Variants in MTERF4 observed in about 807,000 individuals in gnomAD.
The protein encoded by MTERF4 is mitochondrial transcription termination factor 4, also known as transcription termination factor 4, mitochondrial.
In MTERF4, 17 loss-of-function variants were observed where a neutral mutation model predicts 22.5. The observed-to-expected ratio is 0.75, with a 90% CI of 0.52 to 1.13. The LOEUF is 1.13. Ranked by LOEUF, MTERF4 falls within the 50% of genes most tolerant of loss-of-function variation. The pLI is 0.00. For synonymous variants in MTERF4, 165 were observed against 175.3 expected (o/e 0.94, Z 0.47); for missense variants, 420 against 466.8 (o/e 0.90, Z 0.92).
the MTERF4 span, among the ~76,000 whole-genome samples, chr2:241,057,897 G>A: frequency 6.6e-6 from 1 of 152,168 alleles, no homozygotes. Flanking sequence ...AGATTTCATG[G>A]TAAGACTTGT....
At chr2:241,101,283 C>G (rs1308215874) in intron 1 of MTERF4, 2 of 419,102 alleles carry the variant, frequency 4.8e-6, no homozygotes, top group African/African-American at 4.1e-5. Context: ...GGAGCGCAAC[C>G]TGGACCCCTC....
At chr2:241,071,842 G>A (rs747343073), downstream of MTERF4, 44 of 1,605,072 alleles carry the variant, frequency 2.7e-5, 1 homozygote, top group South Asian at 2.6e-4. Flanking sequence ...CGCCAGGTTC[G>A]GTGGCTCACC....
At chr2:241,090,298 G>T (rs2063851262), downstream of MTERF4, 1 of 1,548,918 alleles carries the variant, frequency 6.5e-7, no homozygotes, top group Middle Eastern at 1.7e-4. Context: ...GATCATCCAT[G>T]TCACCTTCTT....
chr2:241,053,058 C>T, the MTERF4 span: 1 of 1,220,156 alleles, frequency 8.2e-7, no homozygotes, highest in Non-Finnish European at 1.1e-6. Context: ...AGCAGGACAT[C>T]CCTGGGCCCT....
the MTERF4 span, among the ~76,000 whole-genome samples, chr2:241,052,693 G>A: frequency 3.3e-5 from 1 of 29,986 alleles, no homozygotes; most frequent in Non-Finnish European, 5.9e-5. Flanking sequence ...GGGTCGGCGG[G>A]GGGGGGGGGG....
chr2:241,060,128 T>C, the MTERF4 span, among the ~76,000 whole-genome samples: 1 of 152,030 alleles, frequency 6.6e-6, no homozygotes, highest in African/African-American at 2.4e-5. Context: ...AAAAACATGA[T>C]AAATTTTTAA....
intron 4 of MTERF4, among the ~76,000 whole-genome samples, chr2:241,079,588 G>A (rs78494558): frequency 0.031 from 4,680 of 152,162 alleles, 321 homozygotes; most frequent in East Asian, 0.23. Context: ...GGAGATCGGC[G>A]AGGCTTCTCT....
At chr2:241,059,788 C>G in the MTERF4 span, among the ~76,000 whole-genome samples, 126 of 152,292 alleles carry the variant, frequency 8.3e-4, no homozygotes, top group African/African-American at 2.9e-3. Flanking sequence ...AAAGGACATC[C>G]ATTAAAAACC....
the MTERF4 span, chr2:241,052,100 A>G: frequency 6.2e-7 from 1 of 1,613,804 alleles, no homozygotes; most frequent in Non-Finnish European, 8.5e-7. Context: ...CTTCCACTAC[A>G]TTGGCAAATA....
chr2:241,057,412 TGCCATACGCAGTGGCTCACAC>T, the MTERF4 span, among the ~76,000 whole-genome samples: 1 of 129,362 alleles, frequency 7.7e-6, no homozygotes, highest in African/African-American at 3.0e-5. Context: ...TATATATATA[TGCCATACGCAGTGGCTCACAC>T]ATATAATGGG....
the MTERF4 span, among the ~76,000 whole-genome samples, chr2:241,061,571 T>C: frequency 6.6e-6 from 1 of 152,132 alleles, no homozygotes; most frequent in Non-Finnish European, 1.5e-5. Flanking sequence ...GGAAAGAATA[T>C]ACACAGCAAC....
At chr2:241,064,988 G>C in the MTERF4 span, 2 of 1,490,536 alleles carry the variant, frequency 1.3e-6, no homozygotes, top group Non-Finnish European at 1.8e-6. The surrounding 1 kb of genome is among the most constrained non-coding windows in gnomAD (Gnocchi z 7.0). Context: ...CAGTGAGGGA[G>C]CCACGAGGGG....
chr2:241,068,861 A>G (rs1190420815), downstream of MTERF4: 1 of 1,318,634 alleles, frequency 7.6e-7, no homozygotes. This position sits in a 1 kb window ranked among gnomAD's most constrained non-coding sequence, Gnocchi z 5.3. Context: ...GCAGAGTCAC[A>G]CACAGGTCCC....
downstream of MTERF4, among the ~76,000 whole-genome samples, chr2:241,084,984 G>T (rs183134568): frequency 8.5e-5 from 13 of 152,058 alleles, no homozygotes; most frequent in Admixed American, 2.0e-4. Flanking sequence ...CAGACAAGAA[G>T]ACTGCAGTCA....
At chr2:241,070,616 C>G (rs901426388), downstream of MTERF4, among the ~76,000 whole-genome samples, 23 of 152,190 alleles carry the variant, frequency 1.5e-4, no homozygotes, top group Non-Finnish European at 7.3e-5. Flanking sequence ...CAGGCAGGGG[C>G]CTGCAAGGCA....
chr2:241,066,528 T>G, the MTERF4 span, among the ~76,000 whole-genome samples: 1 of 152,066 alleles, frequency 6.6e-6, no homozygotes, highest in South Asian at 2.1e-4. Flanking sequence ...AACATGCCTG[T>G]GGCCTCCAGA....
chr2:241,052,176 C>A, the MTERF4 span: 1 of 1,599,786 alleles, frequency 6.3e-7, no homozygotes, highest in Non-Finnish European at 8.6e-7. Flanking sequence ...GGTGGGAGGC[C>A]AGGCCAGGGC....
downstream of MTERF4, chr2:241,067,835 C>T: frequency 6.2e-7 from 1 of 1,613,522 alleles, no homozygotes; most frequent in Non-Finnish European, 8.5e-7. Context: ...GTGGGCCCTG[C>T]ACAGGATCCG....
chr2:241,082,302 C>T (rs374452831), downstream of MTERF4: 93 of 1,613,356 alleles, frequency 5.8e-5, no homozygotes, highest in Non-Finnish European at 7.3e-5. Flanking sequence ...CCCGCCCCTG[C>T]ACAAGGCTGT....
Sources: allele counts gnomAD v4.1 joint callset (sites outside exome capture counted in the v4.1 genomes callset), GRCh38; gene constraint gnomAD v4.1.1; non-coding constraint Gnocchi (gnomAD v3.1); transcripts MANE v1.5; gene names NCBI Gene and HGNC (gene_info 2026-07-23, HGNC 2026-07-21).